Variants in CSMD1 observed in about 807,000 individuals in gnomAD.
CSMD1 encodes the protein CUB and Sushi multiple domains 1, also known as CUB and sushi domain-containing protein 1.
A neutral mutation model predicts 417.5 loss-of-function variants in CSMD1; 213 were observed. That is an observed-to-expected ratio of 0.51 (90% confidence interval 0.46 to 0.57). CSMD1 has a LOEUF of 0.57. CSMD1 is among the 20% of genes least tolerant of loss of function. The pLI, the probability that CSMD1 is intolerant of heterozygous loss-of-function variation, is 0.00. For missense variants in CSMD1, 6,923 were observed against 4,529.7 expected (o/e 1.53, Z -15.17); for synonymous variants, 2,862 against 1,736.8 (o/e 1.65, Z -16.11).
At chr8:4,276,566 A>T (rs914686807) in intron 3 of CSMD1, among the ~76,000 whole-genome samples, 1 of 152,182 alleles carries the variant, frequency 6.6e-6, no homozygotes, top group South Asian at 2.1e-4. Flanking sequence ...CGTTCTGCAC[A>T]TGTACCCCAG....
At chr8:4,340,625 G>A (rs1800420928) in intron 3 of CSMD1, among the ~76,000 whole-genome samples, 2 of 152,058 alleles carry the variant, frequency 1.3e-5, no homozygotes, top group African/African-American at 2.4e-5. Context: ...CGCCTCCTCT[G>A]CCAATGAGCC....
At chr8:4,830,387 A>G (rs1281791393) in intron 1 of CSMD1, among the ~76,000 whole-genome samples, 1 of 152,224 alleles carries the variant, frequency 6.6e-6, no homozygotes, top group Non-Finnish European at 1.5e-5. Flanking sequence ...AATAACACTT[A>G]TCTGTAAAAT....
At chr8:3,589,410 G>A (rs554518311) in intron 8 of CSMD1, among the ~76,000 whole-genome samples, 3 of 149,796 alleles carry the variant, frequency 2.0e-5, no homozygotes, top group Non-Finnish European at 3.0e-5. Flanking sequence ...GTGTGTTCAC[G>A]CGTGTGTGTA....
At position 3,417,297 on chromosome 8, in the gene CSMD1, G is replaced by A. The variant is rs1402829128; in HGVS notation, c.1562-7692C>T. ...ATTAATATTCTGCAGAAAACACTCT[G>A]CTGTAGCTGTTCAGGAAATATTTCT... On this transcript the variant is annotated intron_variant, in intron 12 of 69. Transcript: ENST00000635120. Among the ~76,000 whole-genome samples the A allele has an allele frequency of 4.6e-5, 7 of 152,144 alleles. No homozygotes were observed. In the East Asian group the frequency reaches 1.2e-3, roughly 25 times the overall value.
At chr8:3,649,840 T>G (rs1797757957) in intron 7 of CSMD1, among the ~76,000 whole-genome samples, 1 of 152,226 alleles carries the variant, frequency 6.6e-6, no homozygotes, top group South Asian at 2.1e-4. Context: ...TGCAATACCT[T>G]GCTAGATGTT....
intron 3 of CSMD1, among the ~76,000 whole-genome samples, chr8:4,417,062 G>C (rs1470462952): frequency 6.6e-6 from 1 of 151,830 alleles, no homozygotes; most frequent in African/African-American, 2.4e-5. Flanking sequence ...ACTGAATTAA[G>C]TTACTACCTT....
At chr8:3,539,608 G>T (rs1013938972) in intron 10 of CSMD1, among the ~76,000 whole-genome samples, 1 of 152,060 alleles carries the variant, frequency 6.6e-6, no homozygotes, top group Non-Finnish European at 1.5e-5. Context: ...ACACAGCTCT[G>T]CCCCTCTAAA....
chr8:3,337,223 G>A (rs1807322213), intron 23 of CSMD1, among the ~76,000 whole-genome samples: 1 of 152,162 alleles, frequency 6.6e-6, no homozygotes, highest in Non-Finnish European at 1.5e-5. Flanking sequence ...TTATCTCAAA[G>A]TCTAGAACCT....
chr8:3,241,775 G>A (rs977570718), intron 26 of CSMD1, among the ~76,000 whole-genome samples: 2 of 152,074 alleles, frequency 1.3e-5, no homozygotes, highest in South Asian at 4.1e-4. Flanking sequence ...GCTGGGGTTT[G>A]TCTCACAGTG....
intron 3 of CSMD1, among the ~76,000 whole-genome samples, chr8:4,217,551 G>C (rs1189323211): frequency 6.6e-6 from 1 of 152,110 alleles, no homozygotes. Context: ...CTTGAATAAG[G>C]AAGGCTTTAC....
At chr8:4,749,910 A>G (rs1225789564) in intron 1 of CSMD1, among the ~76,000 whole-genome samples, 1 of 152,144 alleles carries the variant, frequency 6.6e-6, no homozygotes, top group East Asian at 1.9e-4. Flanking sequence ...TTGTCTCTAG[A>G]TTGTCAAGCG....
chr8:3,472,148 C>G (rs1000897143), intron 11 of CSMD1, among the ~76,000 whole-genome samples: 2 of 152,082 alleles, frequency 1.3e-5, no homozygotes, highest in African/African-American at 2.4e-5. Context: ...TAAAGTGACT[C>G]AAGGGTTCTT....
chr8:3,313,711 G>C (rs569185909), intron 23 of CSMD1, among the ~76,000 whole-genome samples: 1 of 152,280 alleles, frequency 6.6e-6, no homozygotes, highest in South Asian at 2.1e-4. Context: ...AGTCAGTGTG[G>C]CCATTCCTCA....
intron 12 of CSMD1, among the ~76,000 whole-genome samples, chr8:3,448,345 GAGGAAGGAAGAAGGAAGA>G (rs1815449455): frequency 3.7e-4 from 1 of 2,734 alleles, no homozygotes; most frequent in Non-Finnish European, 7.2e-4. Flanking sequence ...GGGAGGGAGG[GAGGAAGGAAGAAGGAAGA>G]AGGGAGGAAG....
intron 8 of CSMD1, among the ~76,000 whole-genome samples, chr8:3,605,682 A>G (rs569341103): frequency 2.6e-5 from 4 of 152,364 alleles, no homozygotes; most frequent in Non-Finnish European, 5.9e-5. Context: ...TATCCTCGAG[A>G]TAAAAATATG....
chr8:4,932,549 C>T (rs983852628), intron 1 of CSMD1, among the ~76,000 whole-genome samples: 8 of 152,000 alleles, frequency 5.3e-5, no homozygotes, highest in African/African-American at 1.2e-4. Context: ...GAAAATAAAG[C>T]TTGTGACGTG....
chr8:4,532,732 C>A (rs1796894306), intron 2 of CSMD1, among the ~76,000 whole-genome samples: 1 of 142,702 alleles, frequency 7.0e-6, no homozygotes, highest in Non-Finnish European at 1.5e-5. Context: ...TTCAGTCACT[C>A]CAGAAAAGAA....
At chr8:4,886,330 T>A (rs1018388794) in intron 1 of CSMD1, among the ~76,000 whole-genome samples, 1 of 151,948 alleles carries the variant, frequency 6.6e-6, no homozygotes, top group South Asian at 2.1e-4. Flanking sequence ...CAGCACTATA[T>A]ATATTTTTTT....
intron 3 of CSMD1, among the ~76,000 whole-genome samples, chr8:4,399,160 G>C (rs1200101199): frequency 6.6e-6 from 1 of 152,102 alleles, no homozygotes; most frequent in Non-Finnish European, 1.5e-5. Context: ...TGTGTGATCA[G>C]CATACAGATT....
Sources: allele counts gnomAD v4.1 joint callset (sites outside exome capture counted in the v4.1 genomes callset), GRCh38; gene constraint gnomAD v4.1.1; transcripts MANE v1.5; gene names NCBI Gene and HGNC (gene_info 2026-07-23, HGNC 2026-07-21).